Variants in PTPRS observed in about 807,000 individuals in gnomAD.
The protein encoded by PTPRS is receptor-type tyrosine-protein phosphatase S.
PTPRS carries 63 observed loss-of-function variants against 215.3 expected under a neutral mutation model. That is an observed-to-expected ratio of 0.29 (90% CI 0.24 to 0.36). The LOEUF is 0.36. Among genes scored for constraint, PTPRS ranks in the 10% least tolerant of loss-of-function variants. PTPRS has a pLI of 1.00. For synonymous variants in PTPRS, 1,404 were observed against 1,191.4 expected (o/e 1.18, Z -3.68); for missense variants, 2,258 against 2,825.8 (o/e 0.80, Z 4.56).
At chr19:5,331,195 A>C (rs531201919) in intron 1 of PTPRS, among the ~76,000 whole-genome samples, 6 of 150,974 alleles carry the variant, frequency 4.0e-5, no homozygotes, top group African/African-American at 1.5e-4. Context: ...GAGTGATGCA[A>C]TCATAGCTCA....
At chr19:5,314,017 G>T (rs2049794940) in intron 1 of PTPRS, among the ~76,000 whole-genome samples, 1 of 151,996 alleles carries the variant, frequency 6.6e-6, no homozygotes, top group East Asian at 1.9e-4. Context: ...TGTGTCTGTA[G>T]TCCCAGCTAC....
intron 16 of PTPRS, among the ~76,000 whole-genome samples, chr19:5,226,948 G>A (rs1169212464): frequency 2.0e-5 from 3 of 152,030 alleles, no homozygotes; most frequent in African/African-American, 7.2e-5. Flanking sequence ...CACCTCCCCG[G>A]TAGCTTGAAA....
chr19:5,223,188 C>T lies in PTPRS; in HGVS notation c.2604G>A (p.Leu868=), dbSNP rs753698626. 31 of 1,553,794 alleles carry T rather than the reference C, an allele frequency of 2.0e-5. No homozygotes were observed. In the South Asian group the frequency reaches 2.9e-4, roughly 14 times the overall value. Residue 868 remains leucine, a synonymous_variant, in exon 18 of 38, where the codon CTG becomes CTA. Transcript: ENST00000262963. ...GCGTCGAGTCCTCACGGCCAAACTG[C>T]AGGCGGTAGCCCAGCACCTGGTCCT... The part of the protein sequence containing the change: ...TAEDQVLGYR[L]QFGREDSTPL...
At chr19:5,241,638 G>C (rs758030071) in intron 11 of PTPRS, among the ~76,000 whole-genome samples, 2 of 151,878 alleles carry the variant, frequency 1.3e-5, no homozygotes, top group Non-Finnish European at 2.9e-5. Flanking sequence ...CACAGACATG[G>C]ACAGAGTGCC....
chr19:5,207,785 G>C (rs1306007717), intron 37 of PTPRS, 137 bp downstream of exon 37: 3 of 1,274,810 alleles, frequency 2.4e-6, no homozygotes, highest in Non-Finnish European at 3.2e-6. Flanking sequence ...CAGTGCGGGA[G>C]GGGTCTGTGG....
At chr19:5,262,871 G>T in intron 6 of PTPRS, 93 bp downstream of exon 6, 2 of 1,347,062 alleles carry the variant, frequency 1.5e-6, no homozygotes, top group Non-Finnish European at 2.1e-6. Flanking sequence ...TTACCATCAC[G>T]GTGGCTGTTA....
intron 5 of PTPRS, among the ~76,000 whole-genome samples, chr19:5,264,099 C>G (rs557971889): frequency 2.0e-5 from 3 of 152,318 alleles, no homozygotes; most frequent in Non-Finnish European, 4.4e-5. Context: ...CTAGCCCAGC[C>G]AGGGCCTGAA....
chr19:5,215,635 G>C lies in PTPRS; in HGVS notation c.4097-40C>G, dbSNP rs992602575. 2.0e-6 allele frequency: 3 copies of C among 1,493,264 alleles called. No homozygotes were observed. The South Asian group carries it at 3.7e-5, about 18-fold the overall frequency. The allele number at this position is 1,493,264 out of a possible 1,614,324, so 92.5% of individuals were successfully genotyped here. The stretch of plus-strand genomic sequence containing the variant: ...AGACCCCGCCGGGGTTGGTCACTTG[G>C]GGGGCCAGCCGGGGACTCGGGGGAG... On this transcript the variant is annotated intron_variant, in intron 26 of 37. Transcript: ENST00000262963.
intron 24 of PTPRS, 58 bp downstream of exon 24, chr19:5,218,729 C>T (rs2041711049): frequency 1.9e-6 from 3 of 1,595,772 alleles, no homozygotes; most frequent in South Asian, 2.2e-5. Flanking sequence ...CACTATCAGC[C>T]CATTCCCTGT....
rs2043003960 is a variant in PTPRS at position 5,231,432 on chromosome 19, G to A, written c.2033C>T (p.Thr678Ile). The change falls in exon 14 of 38, where the codon ACC becomes ATC. Residue 678 changes from threonine (T) to isoleucine (I), a missense_variant. Thr to Ile is a moderately conservative substitution (Grantham distance 89, BLOSUM62 -1). This residue lies in a region of PTPRS where 371 missense variants were observed against 446.7 expected (regional missense o/e 0.83). Coordinates refer to ENST00000262963, the MANE Select transcript of PTPRS (RefSeq NM_002850.4). ...PKEVNGIPPT[T>I]TQILLEALEK... ...CAAGGCCTCCAGCAGGATCTGAGTGGTGGTCGGGGGGATGCCGTTCACCTC... is the reference window on the plus strand; with the variant it reads ...CAAGGCCTCCAGCAGGATCTGAGTGATGGTCGGGGGGATGCCGTTCACCTC... 2 of 1,613,076 alleles carry A rather than the reference G, an allele frequency of 1.2e-6. No individual in the cohort carries two copies. The highest frequency in any genetic ancestry group is 1.7e-6 in the Non-Finnish European group (2 of 1,179,944).
At chr19:5,288,203 C>T (rs1014981379) in intron 1 of PTPRS, among the ~76,000 whole-genome samples, 3 of 152,186 alleles carry the variant, frequency 2.0e-5, no homozygotes, top group East Asian at 3.9e-4. Flanking sequence ...GTGCACAAGC[C>T]GGTCAAAGTC....
intron 1 of PTPRS, among the ~76,000 whole-genome samples, chr19:5,304,454 G>A (rs935064816): frequency 6.6e-6 from 1 of 151,928 alleles, no homozygotes; most frequent in Non-Finnish European, 1.5e-5. Context: ...TCCAGCCTGG[G>A]CGAAAAGAAA....
intron 2 of PTPRS, among the ~76,000 whole-genome samples, chr19:5,277,388 G>A (rs1405648000): frequency 6.6e-6 from 1 of 152,100 alleles, no homozygotes. Flanking sequence ...GGGTGCGGTG[G>A]CTCATGCCTG....
At chr19:5,243,127 T>C (rs992175006) in intron 11 of PTPRS, among the ~76,000 whole-genome samples, 44 of 142,068 alleles carry the variant, frequency 3.1e-4, no homozygotes, top group African/African-American at 5.5e-4. Context: ...CTAGCTCTCT[T>C]TTTTTTTTTT....
In PTPRS at chr19:5,206,758, G is replaced by T. The variant is rs747534517; in HGVS notation, c.*16C>A. 20 of 1,612,380 alleles carry T rather than the reference G, an allele frequency of 1.2e-5. No individual in the cohort carries two copies. The highest frequency in any genetic ancestry group is 2.2e-5 in the East Asian group (1 of 44,880). The stretch of plus-strand genomic sequence containing the variant: ...ATCCGGGGCCAGTGGTGTCGGGCCT[G>T]GGGGGAACCATGGCTTTAGGTTGCA... On this transcript the variant is annotated 3_prime_UTR_variant, in exon 38 of 38. Transcript: ENST00000262963.
Position 5,243,989 on chromosome 19 carries a change from G to T in PTPRS, c.1482C>A (p.Asp494Glu), listed in dbSNP as rs754630715. Reference sequence around the variant, plus strand: ...CGAGCACCCGCACGGTGTAGGTCTCGTCCTCCAGCAGGCTGCCCACGGTGG... The same window carrying T: ...CGAGCACCCGCACGGTGTAGGTCTCTTCCTCCAGCAGGCTGCCCACGGTGG... ...LLTTVGSLLEDETYTVRVLAF... is the reference protein window; with the variant it reads ...LLTTVGSLLEEETYTVRVLAF... The change falls in exon 11 of 38, where the codon GAC (aspartate) becomes GAA (glutamate). Residue 494 changes from aspartate to glutamate, a missense_variant. Around this residue, in one of 6 missense-constraint regions of PTPRS, gnomAD observed 508 missense variants for 799.4 expected, o/e 0.64. Coordinates refer to ENST00000262963, the MANE Select transcript of PTPRS (RefSeq NM_002850.4). The T allele has an allele frequency of 9.4e-6, 15 of 1,603,724 alleles. No individual in the cohort carries two copies. The East Asian group carries it at 3.3e-4, about 36-fold the overall frequency.
intron 9 of PTPRS, among the ~76,000 whole-genome samples, chr19:5,255,287 T>C: frequency 6.6e-6 from 1 of 152,166 alleles, no homozygotes; most frequent in Non-Finnish European, 1.5e-5. Flanking sequence ...CTGTGCCACC[T>C]CCCTTGTGCC....
At position 5,210,415 on chromosome 19, in the gene PTPRS, C is replaced by A; in HGVS notation, c.5487+54G>T. ...GTATCCATCACCAACCAGGGCAGCCCTTTCCAGATCACTAAGGCTCCAGCC... is the reference window on the plus strand; with the variant it reads ...GTATCCATCACCAACCAGGGCAGCCATTTCCAGATCACTAAGGCTCCAGCC... On this transcript the variant is annotated intron_variant, in intron 35 of 37. Coordinates refer to ENST00000262963, the MANE Select transcript of PTPRS (RefSeq NM_002850.4). This position sits in a 1 kb window ranked among gnomAD's most constrained non-coding sequence, Gnocchi z 4.5. 1 of 1,611,766 alleles carries A rather than the reference C, an allele frequency of 6.2e-7. No individual in the cohort carries two copies. The highest frequency in any genetic ancestry group is 8.5e-7 in the Non-Finnish European group (1 of 1,178,716).
intron 1 of PTPRS, among the ~76,000 whole-genome samples, chr19:5,298,724 A>G (rs1476600993): frequency 6.6e-6 from 1 of 152,114 alleles, no homozygotes; most frequent in Non-Finnish European, 1.5e-5. Flanking sequence ...CCCCAGCTCC[A>G]TGTCTGCCTT....
Sources: allele counts gnomAD v4.1 joint callset (sites outside exome capture counted in the v4.1 genomes callset), GRCh38; gene constraint gnomAD v4.1.1; regional missense constraint gnomAD v4.1.1; non-coding constraint Gnocchi (gnomAD v3.1); transcripts MANE v1.5; gene names NCBI Gene and HGNC (gene_info 2026-07-23, HGNC 2026-07-21).